Variants in MINDY2 observed in about 807,000 individuals in gnomAD.
The protein encoded by MINDY2 is MINDY lysine 48 deubiquitinase 2, also known as ubiquitin carboxyl-terminal hydrolase MINDY-2.
A neutral mutation model predicts 68.2 loss-of-function variants in MINDY2; 52 were observed. The observed-to-expected ratio is 0.76, with a 90% confidence interval of 0.61 to 0.96. MINDY2 has a LOEUF of 0.96. MINDY2 is among the 40% of genes least tolerant of loss of function. MINDY2 has a pLI of 0.00. For missense variants in MINDY2, 881 were observed against 773.4 expected (o/e 1.14, Z -1.65); for synonymous variants, 372 against 303.0 (o/e 1.23, Z -2.36).
At chr15:58,847,600 TG>T in intron 7 of MINDY2, 130 bp downstream of exon 7, 1 of 679,564 alleles carries the variant, frequency 1.5e-6, no homozygotes, top group Non-Finnish European at 2.3e-6. Context: ...TGACACTTCC[TG>T]AATAGTTGGT....
At chr15:58,797,187 G>A (rs1322760280) in intron 2 of MINDY2, among the ~76,000 whole-genome samples, 3 of 152,152 alleles carry the variant, frequency 2.0e-5, no homozygotes, top group South Asian at 2.1e-4. Context: ...AAATGTTCAT[G>A]TACTAAGTTA....
intron 6 of MINDY2, among the ~76,000 whole-genome samples, chr15:58,846,419 C>CTA (rs2032539356): frequency 6.6e-6 from 1 of 151,980 alleles, no homozygotes; most frequent in Non-Finnish European, 1.5e-5. Flanking sequence ...CGGTGAAACT[C>CTA]TGTCTCTACT....
chr15:58,813,366 G>T (rs1378444171), intron 4 of MINDY2, among the ~76,000 whole-genome samples: 1 of 152,038 alleles, frequency 6.6e-6, no homozygotes, highest in Non-Finnish European at 1.5e-5. Flanking sequence ...GTCATGGCAT[G>T]TGCCTATAAT....
chr15:58,845,387 C>T (rs1192167603), intron 6 of MINDY2, among the ~76,000 whole-genome samples: 1 of 152,140 alleles, frequency 6.6e-6, no homozygotes, highest in Non-Finnish European at 1.5e-5. Flanking sequence ...GCCTGGGCAA[C>T]AGAATGAGAC....
intron 2 of MINDY2, among the ~76,000 whole-genome samples, chr15:58,789,982 T>C (rs1340903804): frequency 6.6e-6 from 1 of 152,024 alleles, no homozygotes; most frequent in Admixed American, 6.6e-5. Context: ...TTTCACTGTG[T>C]TTCCCAGGCT....
intron 6 of MINDY2, among the ~76,000 whole-genome samples, chr15:58,832,765 G>A (rs2031803051): frequency 6.6e-6 from 1 of 151,910 alleles, no homozygotes; most frequent in South Asian, 2.1e-4. Flanking sequence ...GACCTCAGAT[G>A]ATAGCCCGCC....
intron 8 of MINDY2, 33 bp from the exon 9 acceptor site, chr15:58,854,444 TAGTTA>T: frequency 6.3e-7 from 1 of 1,593,302 alleles, no homozygotes; most frequent in South Asian, 1.1e-5. Context: ...TCCCTCAGAA[TAGTTA>T]GAGTAATTTC....
At chr15:58,786,548 TG>T (rs1415609528) in intron 1 of MINDY2, among the ~76,000 whole-genome samples, 8 of 152,228 alleles carry the variant, frequency 5.3e-5, no homozygotes, top group African/African-American at 1.9e-4. Context: ...ATGGATTTTC[TG>T]GGGTTTTTAG....
In MINDY2 at chr15:58,851,845, A is replaced by C; in HGVS notation, c.1617A>C (p.Gly539=). ...TCAATTGGGAACAAATCCCGGAAGG[A>C]ATCAGTGATTTGGAACTAGCAAAGA... ...QEINWEQIPE[G]ISDLELAKKL... The change falls in exon 8 of 9, where the codon GGA becomes GGC. Residue 539 remains glycine (G), a synonymous_variant. Transcript: ENST00000559228. The C allele has an allele frequency of 6.2e-7, 1 of 1,613,260 alleles. No individual in the cohort carries two copies. The highest frequency in any genetic ancestry group is 8.5e-7 in the Non-Finnish European group (1 of 1,179,668).
chr15:58,831,596 A>T (rs747589374), intron 5 of MINDY2, among the ~76,000 whole-genome samples, 178 bp from the exon 6 acceptor site: 21 of 152,238 alleles, frequency 1.4e-4, no homozygotes, highest in Non-Finnish European at 3.1e-4. Context: ...CTGTATACAC[A>T]TATTTCATTG....
At chr15:58,845,846 A>G (rs1320487786) in intron 6 of MINDY2, among the ~76,000 whole-genome samples, 1 of 152,256 alleles carries the variant, frequency 6.6e-6, no homozygotes, top group Non-Finnish European at 1.5e-5. Flanking sequence ...CACATACACA[A>G]CGGAGCACTA....
intron 4 of MINDY2, among the ~76,000 whole-genome samples, chr15:58,817,371 C>G (rs1332689210): frequency 1.3e-5 from 2 of 152,144 alleles, no homozygotes; most frequent in Admixed American, 6.6e-5. Flanking sequence ...CAGAGAAATA[C>G]AAATTAAAAT....
At chr15:58,846,066 A>G (rs1405848540) in intron 6 of MINDY2, among the ~76,000 whole-genome samples, 9 of 151,086 alleles carry the variant, frequency 6.0e-5, no homozygotes, top group African/African-American at 2.2e-4. Flanking sequence ...ATTTGGAGGC[A>G]GGCAGGATGG....
At chr15:58,788,641 A>C (rs1347100528) in intron 2 of MINDY2, among the ~76,000 whole-genome samples, 6 of 152,224 alleles carry the variant, frequency 3.9e-5, no homozygotes, top group African/African-American at 1.4e-4. Flanking sequence ...TAATCTGACA[A>C]ATAAGAATTT....
chr15:58,815,255 C>G (rs1196972961), intron 4 of MINDY2: 2 of 152,006 alleles, frequency 1.3e-5, no homozygotes, highest in African/African-American at 4.8e-5. Context: ...TAAAATAAAT[C>G]CTTCCCTTTA....
At chr15:58,787,991 C>G (rs749857752) in intron 2 of MINDY2, 28 bp downstream of exon 2, 8 of 1,530,178 alleles carry the variant, frequency 5.2e-6, no homozygotes, top group Non-Finnish European at 7.1e-6. Context: ...GATTTTATAT[C>G]TCTTTCAAAA....
intron 6 of MINDY2, among the ~76,000 whole-genome samples, chr15:58,844,067 A>C (rs576243163): frequency 6.6e-6 from 1 of 152,234 alleles, no homozygotes; most frequent in East Asian, 1.9e-4. Flanking sequence ...ATTAGAAGGA[A>C]GATTTGAGTC....
intron 7 of MINDY2, among the ~76,000 whole-genome samples, chr15:58,847,733 G>A (rs1030479144): frequency 2.0e-5 from 3 of 152,314 alleles, no homozygotes; most frequent in South Asian, 4.1e-4. Flanking sequence ...GCTATGTCAA[G>A]TATTAAACAC....
Position 58,860,553 on chromosome 15 carries a change from G to A in MINDY2, c.*5943G>A, listed in dbSNP as rs1307878894. ...TGCCCCACTGCACTCCAGCCTGGGC[G>A]ACTGAGCGAGACTCTTATATCTCAA... On this transcript the variant is annotated 3_prime_UTR_variant, in exon 9 of 9. Transcript: ENST00000559228. 4 of 142,752 alleles carry A rather than the reference G, an allele frequency of 2.8e-5. No homozygotes were observed. Among genetic ancestry groups the A allele is most frequent in the East Asian group, 2.0e-4 (1 of 4,946 alleles). The allele number at this position is 142,752 out of a possible 1,614,324, so 8.8% of individuals were successfully genotyped here.
Sources: allele counts gnomAD v4.1 joint callset (sites outside exome capture counted in the v4.1 genomes callset), GRCh38; gene constraint gnomAD v4.1.1; transcripts MANE v1.5; gene names NCBI Gene and HGNC (gene_info 2026-07-23, HGNC 2026-07-21).